Variants in PPM1L observed in about 807,000 individuals in gnomAD.
PPM1L encodes the protein protein phosphatase 1L.
A neutral mutation model predicts 31.4 loss-of-function variants in PPM1L; 13 were observed. The ratio of observed to expected loss-of-function variants is 0.41; its 90% confidence interval spans 0.27 to 0.66. The LOEUF is 0.66. Ranked by LOEUF, PPM1L falls within the 30% of genes least tolerant of loss-of-function variation. The pLI, the probability that PPM1L is intolerant of heterozygous loss-of-function variation, is 0.29. For synonymous variants in PPM1L, 184 were observed against 175.4 expected (o/e 1.05, Z -0.39); for missense variants, 326 against 453.7 (o/e 0.72, Z 2.56).
At chr3:160,878,307 C>T (rs181093377) in intron 1 of PPM1L, among the ~76,000 whole-genome samples, 2 of 152,266 alleles carry the variant, frequency 1.3e-5, no homozygotes, top group Non-Finnish European at 2.9e-5. Flanking sequence ...ACTTGGGATG[C>T]TAGAACAAAA....
intron 1 of PPM1L, among the ~76,000 whole-genome samples, chr3:160,959,782 G>A (rs1262122858): frequency 2.6e-5 from 4 of 152,082 alleles, no homozygotes; most frequent in African/African-American, 9.7e-5. Flanking sequence ...GCAGTGAGCC[G>A]AGATCATGCC....
chr3:161,039,730 A>C (rs1718853418), intron 2 of PPM1L, among the ~76,000 whole-genome samples: 1 of 151,972 alleles, frequency 6.6e-6, no homozygotes, highest in African/African-American at 2.4e-5. Context: ...CTGTGTTAGG[A>C]TGGTCTCCAT....
chr3:160,768,434 T>C (rs946848078), intron 1 of PPM1L, among the ~76,000 whole-genome samples: 5 of 152,196 alleles, frequency 3.3e-5, no homozygotes, highest in Admixed American at 6.5e-5. Context: ...GATTAGATTG[T>C]TACCATTTTA....
chr3:160,919,788 T>C (rs760307700), intron 1 of PPM1L, among the ~76,000 whole-genome samples: 62 of 152,192 alleles, frequency 4.1e-4, no homozygotes, highest in Non-Finnish European at 7.2e-4. Flanking sequence ...TATTTCTGTT[T>C]TGCATTAGGA....
chr3:160,891,701 T>C (rs1713151341), intron 1 of PPM1L, among the ~76,000 whole-genome samples: 1 of 152,220 alleles, frequency 6.6e-6, no homozygotes, highest in Non-Finnish European at 1.5e-5. Flanking sequence ...TGCACACGTA[T>C]GTTTATTGCA....
chr3:161,045,336 T>A (rs1035372191), intron 2 of PPM1L, among the ~76,000 whole-genome samples: 2 of 152,162 alleles, frequency 1.3e-5, no homozygotes, highest in African/African-American at 2.4e-5. Context: ...CAGCACCACA[T>A]CGCACTTATT....
rs73021205 is a variant in PPM1L, at chr3:161,027,412, G to A, written c.575-37991G>A. ...ATACAGGAAAAAGGGTTTAATGGAC[G>A]TACAGTTAGTTAGTTCCCTGTGACT... On this transcript the variant is annotated intron_variant, in intron 2 of 3. Transcript: ENST00000498165. Among the ~76,000 whole-genome samples the A allele has an allele frequency of 3.3e-3, 497 of 152,312 alleles. 2 individuals are homozygous for A. Among genetic ancestry groups the A allele is most frequent in the African/African-American group, 0.011 (474 of 41,554 alleles).
intron 2 of PPM1L, among the ~76,000 whole-genome samples, chr3:161,059,386 A>C (rs1031803674): frequency 6.6e-6 from 1 of 152,132 alleles, no homozygotes; most frequent in Non-Finnish European, 1.5e-5. Flanking sequence ...TCGTGTTTTC[A>C]TCAGGGTGTA....
intron 1 of PPM1L, among the ~76,000 whole-genome samples, chr3:160,833,489 G>A (rs1048251037): frequency 6.6e-5 from 10 of 152,034 alleles, no homozygotes; most frequent in African/African-American, 2.4e-4. Flanking sequence ...GCGTGAGATG[G>A]TATCTCATTG....
chr3:160,786,844 C>A (rs1220351189), intron 1 of PPM1L, among the ~76,000 whole-genome samples: 2 of 152,070 alleles, frequency 1.3e-5, no homozygotes, highest in Non-Finnish European at 2.9e-5. Context: ...TAAGAACATG[C>A]AGTATTTGGT....
At chr3:160,765,166 T>C (rs925495662) in intron 1 of PPM1L, among the ~76,000 whole-genome samples, 5 of 152,192 alleles carry the variant, frequency 3.3e-5, no homozygotes, top group Non-Finnish European at 7.3e-5. Context: ...ATTTTGTAGG[T>C]GTAGAAATTA....
intron 2 of PPM1L, among the ~76,000 whole-genome samples, chr3:161,042,522 C>T (rs777790667): frequency 1.4e-4 from 21 of 152,158 alleles, no homozygotes; most frequent in Non-Finnish European, 1.9e-4. Context: ...AAACCACCTG[C>T]GAAGGTGCCC....
Position 160,814,476 on chromosome 3 carries a change from T to TACACAC in PPM1L, c.399+57785_399+57790dup, listed in dbSNP as rs143386537. Among the ~76,000 whole-genome samples the TACACAC allele has an allele frequency of 1.4e-4, 20 of 145,084 alleles. No homozygotes were observed. The East Asian group carries it at 4.0e-3, about 29-fold the overall frequency. On this transcript the variant is annotated intron_variant, in intron 1 of 3. Transcript: ENST00000498165. ...GTGGATGAAGATGATGTGGTGTATATACACACACACACACACACACATATA... is the reference window on the plus strand; with the variant it reads ...GTGGATGAAGATGATGTGGTGTATATACACACACACACACACACACACACACATATA...
chr3:160,789,482 A>G (rs1480560853), intron 1 of PPM1L, among the ~76,000 whole-genome samples: 1 of 151,960 alleles, frequency 6.6e-6, no homozygotes, highest in Non-Finnish European at 1.5e-5. Context: ...TAAAATAATA[A>G]TGGTGATAAA....
intron 1 of PPM1L, among the ~76,000 whole-genome samples, chr3:160,881,248 A>G (rs185560698): frequency 9.4e-4 from 143 of 152,340 alleles, no homozygotes; most frequent in Admixed American, 2.4e-3. Flanking sequence ...ACATCATGTC[A>G]GTTATTATTG....
intron 1 of PPM1L, among the ~76,000 whole-genome samples, chr3:160,800,375 A>G (rs1223999037): frequency 6.6e-6 from 1 of 152,092 alleles, no homozygotes; most frequent in Non-Finnish European, 1.5e-5. Flanking sequence ...ACCTTCAGCT[A>G]TTGTCAAAAT....
chr3:160,769,685 T>C (rs538272341), intron 1 of PPM1L, among the ~76,000 whole-genome samples: 1 of 152,316 alleles, frequency 6.6e-6, no homozygotes, highest in Non-Finnish European at 1.5e-5. Flanking sequence ...GGAAATATTA[T>C]AGTAGTTCTT....
At chr3:160,904,857 A>G (rs917758143) in intron 1 of PPM1L, among the ~76,000 whole-genome samples, 3 of 152,162 alleles carry the variant, frequency 2.0e-5, no homozygotes, top group Non-Finnish European at 2.9e-5. Context: ...TCCCTATGCT[A>G]TTCCTGGAGC....
At chr3:160,949,539 A>G (rs968793482) in intron 1 of PPM1L, among the ~76,000 whole-genome samples, 1 of 152,086 alleles carries the variant, frequency 6.6e-6, no homozygotes, top group African/African-American at 2.4e-5. Flanking sequence ...ATAGGAAGAA[A>G]CATTGTGGGC....
Sources: allele counts gnomAD v4.1 joint callset (sites outside exome capture counted in the v4.1 genomes callset), GRCh38; gene constraint gnomAD v4.1.1; transcripts MANE v1.5; gene names NCBI Gene and HGNC (gene_info 2026-07-23, HGNC 2026-07-21).